ACACB: variants seen among roughly 807,000 people sequenced by gnomAD.
ACACB encodes acetyl-CoA carboxylase 2.
A neutral mutation model predicts 278.8 loss-of-function variants in ACACB; 209 were observed. That is an observed-to-expected ratio of 0.75 (90% CI 0.67 to 0.84). The LOEUF (loss-of-function observed/expected upper bound fraction) is 0.84. Ranked by LOEUF, ACACB falls within the 40% of genes least tolerant of loss-of-function variation. The probability of loss-of-function intolerance (pLI) is 0.00; values close to 1 mark genes in which losing one functional copy is unlikely to be tolerated. For synonymous variants in ACACB, 1,174 were observed against 1,285.6 expected (o/e 0.91, Z 1.86); for missense variants, 2,850 against 3,269.0 (o/e 0.87, Z 3.13).
intron 20 of ACACB, among the ~76,000 whole-genome samples, chr12:109,208,788 A>C (rs1434910178): frequency 6.6e-6 from 1 of 152,178 alleles, no homozygotes; most frequent in Admixed American, 6.6e-5. Context: ...AAATCATTAG[A>C]CTTCCTTTAT....
At chr12:109,225,601 T>A (rs1163563331) in intron 27 of ACACB, among the ~76,000 whole-genome samples, 1 of 152,250 alleles carries the variant, frequency 6.6e-6, no homozygotes, top group African/African-American at 2.4e-5. Flanking sequence ...CAAGGGCAAG[T>A]CTTTTAATGG....
chr12:109,264,676 C>G (rs1416187670), intron 50 of ACACB, among the ~76,000 whole-genome samples: 2 of 152,152 alleles, frequency 1.3e-5, no homozygotes. Flanking sequence ...ATGGCTCGGT[C>G]AGTTTGGACC....
chr12:109,172,962 A>T (rs1032810596), intron 6 of ACACB, among the ~76,000 whole-genome samples: 1 of 152,212 alleles, frequency 6.6e-6, no homozygotes, highest in East Asian at 1.9e-4. Context: ...TGTGGTACAT[A>T]TACACCATGG....
chr12:109,224,191 G>A (rs1029954631), intron 27 of ACACB, among the ~76,000 whole-genome samples: 1 of 152,138 alleles, frequency 6.6e-6, no homozygotes, highest in Non-Finnish European at 1.5e-5. Flanking sequence ...GCTGTCTCAT[G>A]TCATTCCAGC....
At chr12:109,233,887 G>GGGCC in intron 30 of ACACB, 40 bp downstream of exon 30, 1 of 1,613,000 alleles carries the variant, frequency 6.2e-7, no homozygotes, top group African/African-American at 1.3e-5. Flanking sequence ...GGGAGCAGGT[G>GGGCC]GGCCGTGGCC....
chr12:109,196,601 A>G (rs1378374658), intron 16 of ACACB, among the ~76,000 whole-genome samples: 1 of 152,074 alleles, frequency 6.6e-6, no homozygotes, highest in Non-Finnish European at 1.5e-5. Flanking sequence ...AGGGGTTGGG[A>G]TTTCAACTTA....
chr12:109,234,491 CA>C (rs1226101094), intron 31 of ACACB, among the ~76,000 whole-genome samples: 1 of 151,436 alleles, frequency 6.6e-6, no homozygotes, highest in African/African-American at 2.4e-5. Context: ...GACCCTGTCT[CA>C]AAAAAAATTA....
At chr12:109,230,307 C>T (rs1327269427) in intron 28 of ACACB, among the ~76,000 whole-genome samples, 1 of 152,176 alleles carries the variant, frequency 6.6e-6, no homozygotes, top group African/African-American at 2.4e-5. Flanking sequence ...CATTTTACCC[C>T]ATTGAGAGAA....
upstream of ACACB, among the ~76,000 whole-genome samples, chr12:109,115,577 C>T (rs893818592): frequency 9.1e-6 from 1 of 110,342 alleles, no homozygotes; most frequent in African/African-American, 4.8e-5. Context: ...GGCATTTGAC[C>T]TGCATTCCTT....
Position 109,181,357 on chromosome 12 carries a change from A to G in ACACB, c.1818+1270A>G, listed in dbSNP as rs566592523. Among the ~76,000 whole-genome samples the G allele has an allele frequency of 3.1e-3, 468 of 150,676 alleles. 5 individuals carry two copies. Among genetic ancestry groups the G allele is most frequent in the African/African-American group, 0.011 (446 of 40,934 alleles). ...ATTATCCTGCCTCAGCCTCCCTAGTAGTTGGGATTACAGGTGCACACTACT... is the reference window on the plus strand; with the variant it reads ...ATTATCCTGCCTCAGCCTCCCTAGTGGTTGGGATTACAGGTGCACACTACT... On this transcript the variant is annotated intron_variant, in intron 11 of 52. Coordinates refer to ENST00000338432, the MANE Select transcript of ACACB (RefSeq NM_001093.4).
chr12:109,135,899 T>C (rs2042955773), intron 1 of ACACB, among the ~76,000 whole-genome samples: 1 of 148,752 alleles, frequency 6.7e-6, no homozygotes, highest in Non-Finnish European at 1.5e-5. Context: ...AAGCTCTGCC[T>C]CCCGGGTTCA....
Position 109,260,580 on chromosome 12 carries a change from C to G in ACACB, c.6597C>G (p.Leu2199=). 1.2e-6 allele frequency: 2 copies of G among 1,613,518 alleles called. No individual in the cohort carries two copies. The highest frequency in any genetic ancestry group is 1.7e-6 in the Non-Finnish European group (2 of 1,179,792). The part of the protein sequence containing the change: ...ILIYIPPYAE[L]RGGSWVVIDA... The stretch of plus-strand genomic sequence containing the variant: ...TCTATATCCCGCCCTATGCGGAGCT[C>G]CGGGGAGGCTCCTGGGTGGTCATAG... Residue 2199 remains leucine, a synonymous_variant, in exon 48 of 53, where the codon CTC becomes CTG. Coordinates refer to ENST00000338432, the MANE Select transcript of ACACB (RefSeq NM_001093.4).
At chr12:109,246,626 G>A (rs1194047360) in intron 39 of ACACB, among the ~76,000 whole-genome samples, 178 bp downstream of exon 39, 4 of 151,984 alleles carry the variant, frequency 2.6e-5, no homozygotes, top group South Asian at 2.1e-4. Context: ...TCACTGTGGC[G>A]GGGGGGATGG....
At position 109,254,477 on chromosome 12, in the gene ACACB, T is replaced by C. The variant is rs1319773907; in HGVS notation, c.6166+143T>C. ...CCAGAGAGGTATACCTGAAATCAAA[T>C]GCAGGGAAAGTAGAGAAATGGAGAT... On this transcript the variant is annotated intron_variant, in intron 44 of 52. Transcript: ENST00000338432. 4.6e-6 allele frequency: 4 copies of C among 874,680 alleles called. No homozygotes were observed. In the East Asian group the frequency reaches 1.1e-4, roughly 24 times the overall value. 54.2% of individuals were successfully genotyped at this position (874,680 alleles called of 1,614,324 possible). A position where few individuals can be genotyped will look rare whatever the true frequency, so the allele number is the denominator to read the frequency against.
At chr12:109,168,116 C>T in intron 4 of ACACB, 82 bp downstream of exon 4, 1 of 1,457,506 alleles carries the variant, frequency 6.9e-7, no homozygotes, top group Non-Finnish European at 9.3e-7. Context: ...TAGGCAAGTC[C>T]ATCCTGGACT....
chr12:109,231,813 T>C (rs80227375), intron 28 of ACACB, among the ~76,000 whole-genome samples: 1 of 152,196 alleles, frequency 6.6e-6, no homozygotes, highest in East Asian at 1.9e-4. Context: ...AAGTGAAGGG[T>C]TGTCTTCCAG....
chr12:109,205,514 A>G (rs1197472221), intron 19 of ACACB, among the ~76,000 whole-genome samples: 3 of 151,884 alleles, frequency 2.0e-5, no homozygotes, highest in East Asian at 1.9e-4. Flanking sequence ...CAATGGCACA[A>G]TCTTGGCTCA....
chr12:109,266,009 T>G (rs1310708105), intron 52 of ACACB, among the ~76,000 whole-genome samples: 3 of 152,196 alleles, frequency 2.0e-5, no homozygotes, highest in Non-Finnish European at 4.4e-5. Context: ...TTGTCTCAGG[T>G]CATGTCACAA....
At chr12:109,238,518 GTATTTATATAAATATA>G (rs1235415496) in intron 34 of ACACB, among the ~76,000 whole-genome samples, 9 of 142,334 alleles carry the variant, frequency 6.3e-5, no homozygotes, top group Admixed American at 4.3e-4. Flanking sequence ...CATATTATAT[GTATTTATATAAATATA>G]TATTTATATA....
Sources: gnomAD v4.1 joint callset for allele counts (sites outside exome capture counted in the v4.1 genomes callset) on GRCh38, gnomAD v4.1.1 for gene constraint, MANE v1.5 for transcripts, NCBI Gene and HGNC (gene_info 2026-07-23, HGNC 2026-07-21) for gene names.